Variants in CTNNA3 observed in about 807,000 individuals in gnomAD.
CTNNA3 encodes the protein catenin alpha-3.
A neutral mutation model predicts 95.7 loss-of-function variants in CTNNA3; 76 were observed. The observed-to-expected ratio is 0.79, with a 90% CI of 0.66 to 0.96. The LOEUF is 0.96. Ranked by LOEUF, CTNNA3 falls within the 40% of genes least tolerant of loss-of-function variation. The probability of loss-of-function intolerance (pLI) is 0.00; values close to 1 mark genes in which losing one functional copy is unlikely to be tolerated. For missense variants in CTNNA3, 1,191 were observed against 1,089.8 expected (o/e 1.09, Z -1.31); for synonymous variants, 431 against 374.4 (o/e 1.15, Z -1.74).
rs187823501 is a variant in CTNNA3 at position 67,759,892 on chromosome 10, C to A, written c.-2+3542G>T. Among the ~76,000 whole-genome samples the A allele has an allele frequency of 5.5e-3, 839 of 152,252 alleles. 22 individuals carry two copies. The highest frequency in any genetic ancestry group is 0.051 in the Admixed American group (782 of 15,268). ...AGTTATCTTAGAAGAGGACGCCAAA[C>A]CTCAGATGAGATTGCAGCCCCAGTC... is the stretch of plus-strand genomic sequence containing the variant. On this transcript the variant is annotated intron_variant, in intron 1 of 17. Coordinates refer to the CTNNA3 transcript ENST00000684154.
intron 1 of CTNNA3, among the ~76,000 whole-genome samples, chr10:67,650,932 C>G (rs1466280132): frequency 6.6e-6 from 1 of 152,128 alleles, no homozygotes; most frequent in African/African-American, 2.4e-5. Flanking sequence ...TACTTCTCCT[C>G]CCTACAGTAA....
At chr10:66,381,359 T>C (rs894481176) in intron 11 of CTNNA3, among the ~76,000 whole-genome samples, 5 of 152,202 alleles carry the variant, frequency 3.3e-5, no homozygotes, top group African/African-American at 9.7e-5. Context: ...TGTTCCATGT[T>C]GTTTAGGATT....
rs59341614 is a variant in CTNNA3 at position 66,501,637 on chromosome 10, T to A, written c.1531+18980A>T. On this transcript the variant is annotated intron_variant, in intron 11 of 17. Transcript: ENST00000433211. ...ATTCCCCCCATACTATCAAGATTGC[T>A]ATAAAGATGGCAGAACAGAATATCA... 5.3e-4 allele frequency among the ~76,000 whole-genome samples: 80 copies of A among 152,220 alleles called. 1 individual carries two copies. The highest frequency in any genetic ancestry group is 1.8e-3 in the African/African-American group (76 of 41,542).
At chr10:67,205,164 A>G (rs1215500827) in intron 6 of CTNNA3, among the ~76,000 whole-genome samples, 1 of 152,158 alleles carries the variant, frequency 6.6e-6, no homozygotes, top group African/African-American at 2.4e-5. Context: ...ATTTCTCCCA[A>G]AGTTAGCTTG....
intron 10 of CTNNA3, among the ~76,000 whole-genome samples, chr10:66,546,137 C>T (rs193112429): frequency 2.0e-5 from 3 of 151,834 alleles, no homozygotes; most frequent in Admixed American, 2.0e-4. Flanking sequence ...ATGTTTACTA[C>T]TCTTATTTCC....
At chr10:66,702,553 A>C (rs1394310399) in intron 9 of CTNNA3, among the ~76,000 whole-genome samples, 1 of 151,890 alleles carries the variant, frequency 6.6e-6, no homozygotes, top group African/African-American at 2.4e-5. Context: ...AAAAATACAA[A>C]AAATTAGCCG....
intron 7 of CTNNA3, among the ~76,000 whole-genome samples, chr10:67,114,300 A>T (rs567485435): frequency 6.6e-6 from 1 of 152,232 alleles, no homozygotes; most frequent in East Asian, 1.9e-4. Context: ...TTTACATTTT[A>T]AAAATATTCT....
At chr10:66,151,428 A>T (rs1441932824) in intron 13 of CTNNA3, among the ~76,000 whole-genome samples, 1 of 151,996 alleles carries the variant, frequency 6.6e-6, no homozygotes, top group Non-Finnish European at 1.5e-5. Context: ...CACATGGAAT[A>T]TCCATAGAAT....
rs555561721 is a variant in CTNNA3 at position 67,594,985 on chromosome 10, GGT to G, written c.292+11870_292+11871del. Among the ~76,000 whole-genome samples the G allele has an allele frequency of 3.2e-3, 481 of 152,186 alleles. 2 individuals carry two copies. The highest frequency in any genetic ancestry group is 0.011 in the African/African-American group (465 of 41,530). ...TTGTGAGTGAGAACACACAATGCTT[GGT>G]TTTCCATTCCTGAGTTACTTCCCTT... On this transcript the variant is annotated intron_variant, in intron 3 of 17. Transcript: ENST00000433211.
intron 5 of CTNNA3, among the ~76,000 whole-genome samples, chr10:67,328,364 A>G (rs1034830390): frequency 6.6e-6 from 1 of 152,176 alleles, no homozygotes; most frequent in Non-Finnish European, 1.5e-5. Context: ...CAGCAGACCA[A>G]GGGGTTCTCA....
At chr10:66,937,887 T>C (rs1847795147) in intron 7 of CTNNA3, among the ~76,000 whole-genome samples, 1 of 152,116 alleles carries the variant, frequency 6.6e-6, no homozygotes, top group South Asian at 2.1e-4. Context: ...TTCCCTCTTT[T>C]CTGTTTTTTT....
At chr10:67,286,227 T>C (rs1435205424) in intron 5 of CTNNA3, among the ~76,000 whole-genome samples, 1 of 152,178 alleles carries the variant, frequency 6.6e-6, no homozygotes, top group Non-Finnish European at 1.5e-5. Flanking sequence ...CCTTAGTGAC[T>C]CTTACCCTCA....
At chr10:66,238,049 G>T (rs1218848956) in intron 13 of CTNNA3, among the ~76,000 whole-genome samples, 1 of 151,794 alleles carries the variant, frequency 6.6e-6, no homozygotes, top group Admixed American at 6.6e-5. Flanking sequence ...CTACTTGAAG[G>T]AAAAGACAAG....
chr10:67,050,175 C>T (rs2133181152), intron 7 of CTNNA3, among the ~76,000 whole-genome samples: 1 of 152,302 alleles, frequency 6.6e-6, no homozygotes, highest in South Asian at 2.1e-4. Context: ...ATGCAGAATG[C>T]ATGTAGAACA....
chr10:66,073,557 C>T (rs1334821186), intron 14 of CTNNA3, among the ~76,000 whole-genome samples: 1 of 152,076 alleles, frequency 6.6e-6, no homozygotes, highest in Non-Finnish European at 1.5e-5. Context: ...ATACTTCCTG[C>T]CTTCCAGTCT....
At chr10:67,726,129 TAA>T (rs1245188521) in intron 1 of CTNNA3, among the ~76,000 whole-genome samples, 1 of 113,532 alleles carries the variant, frequency 8.8e-6, no homozygotes, top group East Asian at 2.3e-4. Flanking sequence ...TTATATTAGA[TAA>T]TATATATTAT....
chr10:66,863,223 A>G lies in CTNNA3; in HGVS notation c.1048-87699T>C, dbSNP rs545214936. 2.0e-5 allele frequency among the ~76,000 whole-genome samples: 3 copies of G among 151,742 alleles called. No homozygotes were observed. In the East Asian group the frequency reaches 5.8e-4, roughly 29 times the overall value. ...CACACACACACACGCACACACATAT[A>G]TATATATAATACAATATATAATATA... is the stretch of plus-strand genomic sequence containing the variant. On this transcript the variant is annotated intron_variant, in intron 7 of 17. Transcript: ENST00000433211.
At chr10:66,199,813 T>A (rs1157442799) in intron 13 of CTNNA3, among the ~76,000 whole-genome samples, 305 of 34,908 alleles carry the variant, frequency 8.7e-3, no homozygotes, top group Non-Finnish European at 0.014. Flanking sequence ...ATATTTTTTT[T>A]TTTTTTTTTT....
At chr10:65,993,049 C>A (rs1411191391) in intron 15 of CTNNA3, among the ~76,000 whole-genome samples, 3 of 152,130 alleles carry the variant, frequency 2.0e-5, no homozygotes, top group Non-Finnish European at 4.4e-5. Context: ...TGTACAGCTT[C>A]CAAAATTCCT....
Sources: gnomAD v4.1 joint callset for allele counts (sites outside exome capture counted in the v4.1 genomes callset) on GRCh38, gnomAD v4.1.1 for gene constraint, MANE v1.5 for transcripts, NCBI Gene and HGNC (gene_info 2026-07-23, HGNC 2026-07-21) for gene names.